The following THSD7B variants were observed in gnomAD, a reference collection of about 807,000 sequenced individuals.
The protein encoded by THSD7B is thrombospondin type-1 domain-containing protein 7B.
A neutral mutation model predicts 213.6 loss-of-function variants in THSD7B; 138 were observed. The ratio of observed to expected loss-of-function variants is 0.65; its 90% CI spans 0.56 to 0.74. The LOEUF (loss-of-function observed/expected upper bound fraction) is 0.74, where lower values mean the gene tolerates loss of function less well. THSD7B is among the 30% of genes least tolerant of loss of function. THSD7B has a pLI of 0.00. For synonymous variants in THSD7B, 742 were observed against 687.0 expected, an observed-to-expected ratio of 1.08 and a Z score of -1.25; for missense variants, 1,931 against 1,991.5, an observed-to-expected ratio of 0.97 and a Z score of 0.58.
chr2:137,515,748 A>G (rs1680055817), intron 15 of THSD7B, among the ~76,000 whole-genome samples: 3 of 140,020 alleles, frequency 2.1e-5, no homozygotes, highest in Non-Finnish European at 3.2e-5. Flanking sequence ...TGAAATATAG[A>G]TTAAAGATGA....
At chr2:137,591,487 C>T (rs949752624) in intron 17 of THSD7B, among the ~76,000 whole-genome samples, 3 of 151,864 alleles carry the variant, frequency 2.0e-5, no homozygotes, top group African/African-American at 7.2e-5. Flanking sequence ...AAAAGTTTTT[C>T]ATATTATTTA....
intron 5 of THSD7B, among the ~76,000 whole-genome samples, chr2:137,150,983 A>G (rs906576167): frequency 6.6e-6 from 1 of 152,176 alleles, no homozygotes; most frequent in Non-Finnish European, 1.5e-5. Flanking sequence ...ACTTACATGA[A>G]TTGGGCTCGT....
chr2:137,141,748 C>A (rs1679591769), intron 5 of THSD7B, among the ~76,000 whole-genome samples: 1 of 151,898 alleles, frequency 6.6e-6, no homozygotes, highest in Admixed American at 6.6e-5. Flanking sequence ...ATTTAGTTAT[C>A]ACCATCTGCT....
At chr2:137,423,565 TAAG>T (rs1186031454) in intron 14 of THSD7B, among the ~76,000 whole-genome samples, 3 of 152,034 alleles carry the variant, frequency 2.0e-5, no homozygotes, top group African/African-American at 7.2e-5. Context: ...CTGAAAGACT[TAAG>T]AATCTATTTA....
chr2:137,425,608 T>C (rs143546081), intron 14 of THSD7B, among the ~76,000 whole-genome samples: 26 of 152,314 alleles, frequency 1.7e-4, no homozygotes, highest in Middle Eastern at 6.8e-3. Context: ...CCTGCAGGTT[T>C]TGGTATACAC....
chr2:137,284,122 T>A (rs1683109192), intron 12 of THSD7B, among the ~76,000 whole-genome samples: 1 of 152,192 alleles, frequency 6.6e-6, no homozygotes, highest in Non-Finnish European at 1.5e-5. Flanking sequence ...CCTGGTTTAG[T>A]CTTGGGAGAG....
At chr2:137,542,582 A>C (rs1196506571) in intron 15 of THSD7B, among the ~76,000 whole-genome samples, 1 of 151,752 alleles carries the variant, frequency 6.6e-6, no homozygotes, top group African/African-American at 2.4e-5. Context: ...TAGCAATAAC[A>C]CAATATACAT....
chr2:137,282,865 T>C (rs983325539), intron 12 of THSD7B, among the ~76,000 whole-genome samples: 2 of 152,214 alleles, frequency 1.3e-5, no homozygotes, highest in African/African-American at 4.8e-5. Context: ...TTCTTTTGAC[T>C]TAGGATTGAC....
intron 15 of THSD7B, among the ~76,000 whole-genome samples, chr2:137,477,695 C>A (rs1487461986): frequency 6.6e-6 from 1 of 151,888 alleles, no homozygotes; most frequent in Non-Finnish European, 1.5e-5. Context: ...ATTCGCTACA[C>A]AATACACAAA....
chr2:137,057,107 G>T lies in THSD7B; in HGVS notation c.827G>T (p.Arg276Leu). The T allele has an allele frequency of 6.2e-7, 1 of 1,613,952 alleles. No individual in the cohort carries two copies. The highest frequency in any genetic ancestry group is 1.1e-5 in the South Asian group (1 of 91,078). ...GATTTTAACTCTGATTCAAATGAGC[G>T]AGTCACCTTTAAACATCAAAGTTAC... is the stretch of plus-strand genomic sequence containing the variant. ...VLDFNSDSNERVTFKHQSYKA... is the reference protein window; with the variant it reads ...VLDFNSDSNELVTFKHQSYKA... Residue 276 changes from arginine (R) to leucine (L), a missense_variant, in exon 3 of 28, where the codon CGA becomes CTA. Arg to Leu is a moderately radical substitution (Grantham distance 102). Transcript: ENST00000409968.
At chr2:137,447,569 A>C (rs2105061566) in intron 14 of THSD7B, among the ~76,000 whole-genome samples, 1 of 152,262 alleles carries the variant, frequency 6.6e-6, no homozygotes, top group Admixed American at 6.5e-5. Flanking sequence ...ATTAGTAATC[A>C]AAACTCCTTA....
At chr2:137,289,634 A>AT (rs1350415618) in intron 12 of THSD7B, among the ~76,000 whole-genome samples, 1 of 152,116 alleles carries the variant, frequency 6.6e-6, no homozygotes, top group East Asian at 1.9e-4. Context: ...GTAATTGTAG[A>AT]TTTTTTTAAA....
intron 10 of THSD7B, among the ~76,000 whole-genome samples, chr2:137,254,738 A>C (rs1006641053): frequency 2.6e-5 from 4 of 152,208 alleles, no homozygotes; most frequent in African/African-American, 9.6e-5. Context: ...AAAGTTGCTC[A>C]ATATGTGATA....
chr2:137,480,196 T>C (rs1290666962), intron 15 of THSD7B, among the ~76,000 whole-genome samples: 1 of 152,166 alleles, frequency 6.6e-6, no homozygotes, highest in Non-Finnish European at 1.5e-5. Context: ...TGACTCTTCT[T>C]TGTAGAGAGG....
chr2:137,147,485 TATTTATTTTA>T (rs1373670998), intron 5 of THSD7B, among the ~76,000 whole-genome samples: 8 of 151,684 alleles, frequency 5.3e-5, no homozygotes, highest in African/African-American at 1.9e-4. Flanking sequence ...AAAAGGCACA[TATTTATTTTA>T]GAGACACAGA....
At chr2:136,845,219 G>T (rs1188685623) in intron 1 of THSD7B, among the ~76,000 whole-genome samples, 1 of 152,180 alleles carries the variant, frequency 6.6e-6, no homozygotes, top group African/African-American at 2.4e-5. Flanking sequence ...TATGGAGGAG[G>T]TGAAAGGATT....
At chr2:137,654,451 A>T (rs904741352) in intron 21 of THSD7B, among the ~76,000 whole-genome samples, 2 of 152,154 alleles carry the variant, frequency 1.3e-5, no homozygotes, top group East Asian at 3.8e-4. Context: ...GGCACTTCCC[A>T]TGCTTCCGGT....
chr2:137,089,763 C>A (rs1687916072), intron 3 of THSD7B, among the ~76,000 whole-genome samples: 1 of 152,058 alleles, frequency 6.6e-6, no homozygotes, highest in Non-Finnish European at 1.5e-5. Context: ...CACTAAAGAA[C>A]TTTAGGAGTC....
chr2:137,032,028 A>G (rs538840405), intron 2 of THSD7B, among the ~76,000 whole-genome samples: 7 of 151,838 alleles, frequency 4.6e-5, no homozygotes, highest in African/African-American at 1.4e-4. Context: ...TTTTGTGGTG[A>G]CGAGATTTCG....
Sources: allele counts gnomAD v4.1 joint callset (sites outside exome capture counted in the v4.1 genomes callset), GRCh38; gene constraint gnomAD v4.1.1; transcripts MANE v1.5; gene names NCBI Gene and HGNC (gene_info 2026-07-23, HGNC 2026-07-21).